The following POLRMT variants were observed in gnomAD, a reference collection of about 807,000 sequenced individuals.
POLRMT encodes the protein DNA-directed RNA polymerase, mitochondrial.
Under a neutral mutation model 132.2 loss-of-function variants are expected in POLRMT, and 114 were observed. The ratio of observed to expected loss-of-function variants is 0.86; its 90% CI spans 0.74 to 1.01. The LOEUF is 1.01. POLRMT is among the 50% of genes least tolerant of loss of function. POLRMT has a pLI of 0.00. For synonymous variants in POLRMT, 1,020 were observed against 773.4 expected (o/e 1.32, Z -5.29); for missense variants, 2,003 against 1,729.1 (o/e 1.16, Z -2.81).
Position 624,498 on chromosome 19 carries a change from C to T in POLRMT, c.1140+221G>A, listed in dbSNP as rs990492917. Among the ~76,000 whole-genome samples the T allele has an allele frequency of 3.9e-5, 6 of 152,244 alleles. No individual in the cohort carries two copies. The East Asian group carries it at 5.8e-4, about 15-fold the overall frequency. The stretch of plus-strand genomic sequence containing the variant: ...CTCCTGTCACCCCACCCTCTCTCTG[C>T]GGCCCCCGACCACCTCGTCCCCCTG... On this transcript the variant is annotated intron_variant, in intron 5 of 20. Coordinates refer to ENST00000588649, the MANE Select transcript of POLRMT (RefSeq NM_005035.4).
Position 617,256 on chromosome 19 carries a change from G to C in POLRMT, c.*18C>G, listed in dbSNP as rs199810114. 1 of 1,612,388 alleles carries C rather than the reference G, an allele frequency of 6.2e-7. No homozygotes were observed. The highest frequency in any genetic ancestry group is 1.1e-5 in the South Asian group (1 of 91,014). On this transcript the variant is annotated 3_prime_UTR_variant, in exon 21 of 21. Transcript: ENST00000588649. ...GGCAAAAGAGCTTTATTTACACACT[G>C]ACAAGGCTCACGGGGTGTCAGCTGA...
In POLRMT at chr19:619,065, C is replaced by T; in HGVS notation, c.3199G>A (p.Val1067Met). 1 of 1,609,858 alleles carries T rather than the reference C, an allele frequency of 6.2e-7. No individual in the cohort carries two copies. The highest frequency in any genetic ancestry group is 8.5e-7 in the Non-Finnish European group (1 of 1,178,648). ...SARLISHMGS[V>M]VEWVTPLGVP... Reference sequence around the variant, plus strand: ...CCCAGGGGTGTGACCCACTCCACCACAGAGCCCATGTGGGAGATGAGGCGG... The same window carrying T: ...CCCAGGGGTGTGACCCACTCCACCATAGAGCCCATGTGGGAGATGAGGCGG... The change falls in exon 15 of 21, where the codon GTG (valine) becomes ATG (methionine). Residue 1067 changes from valine (V) to methionine (M), a missense_variant. Physicochemically the swap from Val to Met is conservative, Grantham distance 21 (BLOSUM62 1). Coordinates refer to ENST00000588649, the MANE Select transcript of POLRMT (RefSeq NM_005035.4).
In POLRMT at chr19:622,327, G is replaced by C. The variant is rs1277170332; in HGVS notation, c.1673C>G (p.Ala558Gly). Residue 558 changes from alanine (A) to glycine (G), a missense_variant, in exon 9 of 21, where the codon GCG (alanine) becomes GGG (glycine). By Grantham distance (60) the Ala-to-Gly change is moderately conservative. Transcript: ENST00000588649. ...GGGCTGCTCCCGCAGGGCCTCGGGC[G>C]CCCCCAGCTCCTCCCAGTACTGCCG... ...LPRQYWEELG[A>G]PEALREQPWP... is the part of the protein sequence containing the mutation. 3 of 1,561,502 alleles carry C rather than the reference G, an allele frequency of 1.9e-6. No homozygotes were observed. In the African/African-American group the frequency reaches 4.1e-5, roughly 21 times the overall value.
intron 3 of POLRMT, 69 bp downstream of exon 3, chr19:629,471 A>C: frequency 1.4e-6 from 2 of 1,382,902 alleles, no homozygotes; most frequent in Non-Finnish European, 1.9e-6. Flanking sequence ...AGAAAAGTCC[A>C]GTCTAAATGA....
At chr19:630,286 G>A (rs1985322808) in intron 2 of POLRMT, 118 bp from the exon 3 acceptor site, 9 of 1,233,368 alleles carry the variant, frequency 7.3e-6, no homozygotes, top group African/African-American at 3.0e-5. Flanking sequence ...GGGACCCAAG[G>A]CGTGAATTCC....
chr19:623,650 C>A, intron 5 of POLRMT, 47 bp from the exon 6 acceptor site: 1 of 1,598,642 alleles, frequency 6.3e-7, no homozygotes, highest in Non-Finnish European at 8.6e-7. Context: ...AGAGGGCGAC[C>A]TGCCCTCCCA....
chr19:623,715 T>C, intron 5 of POLRMT, 112 bp from the exon 6 acceptor site: 1 of 1,321,972 alleles, frequency 7.6e-7, no homozygotes, highest in South Asian at 1.3e-5. Context: ...AAGTTGCTGG[T>C]GGCTATCGCT....
intron 2 of POLRMT, among the ~76,000 whole-genome samples, chr19:631,127 C>T (rs140757133): frequency 1.3e-5 from 2 of 151,882 alleles, no homozygotes; most frequent in African/African-American, 4.8e-5. Flanking sequence ...CCATTGAACT[C>T]CAGCCTGGGC....
intron 2 of POLRMT, among the ~76,000 whole-genome samples, chr19:631,120 T>C (rs774154257): frequency 4.0e-5 from 6 of 151,702 alleles, no homozygotes; most frequent in Non-Finnish European, 8.8e-5. Context: ...GATAGCGCCA[T>C]TGAACTCCAG....
intron 5 of POLRMT, among the ~76,000 whole-genome samples, 180 bp from the exon 6 acceptor site, chr19:623,783 C>T (rs1313861567): frequency 6.6e-6 from 1 of 152,206 alleles, no homozygotes; most frequent in East Asian, 1.9e-4. Context: ...AACCAAAGGC[C>T]TTGACCCTCC....
Position 620,360 on chromosome 19 carries a change from C to T in POLRMT, c.2763+5G>A. ...GGCCTCGGGGGCCAGACCCAGCTGG[C>T]TCACCTGATGGACGGGGAGGTGGGA... On this transcript the variant is annotated splice_donor_5th_base_variant and intron_variant, in intron 11 of 20. Coordinates refer to ENST00000588649, the MANE Select transcript of POLRMT (RefSeq NM_005035.4). The T allele has an allele frequency of 6.4e-7, 1 of 1,570,092 alleles. No homozygotes were observed. The highest frequency in any genetic ancestry group is 8.6e-7 in the Non-Finnish European group (1 of 1,158,404).
In POLRMT at chr19:623,750, G is replaced by A. The variant is rs1476097818; in HGVS notation, c.1141-147C>T. On this transcript the variant is annotated intron_variant, in intron 5 of 20. Coordinates refer to ENST00000588649, the MANE Select transcript of POLRMT (RefSeq NM_005035.4). ...TGACGCGGGGAAAGGCGGGCTGCGG[G>A]TAAAGTCAGTGCCAGCAGTGCAAAC... 17 of 1,007,052 alleles carry A rather than the reference G, an allele frequency of 1.7e-5. No homozygotes were observed. In the Admixed American group the frequency reaches 4.0e-4, roughly 23 times the overall value. 62.4% of individuals were successfully genotyped at this position (1,007,052 alleles called of 1,614,324 possible). A position where few individuals can be genotyped will look rare whatever the true frequency, so the allele number is the denominator to read the frequency against.
In POLRMT at chr19:621,107, G is replaced by A. The variant is rs775039991; in HGVS notation, c.2591C>T (p.Ala864Val). 33 of 1,610,370 alleles carry A rather than the reference G, an allele frequency of 2.0e-5. No individual in the cohort carries two copies. Among genetic ancestry groups the A allele is most frequent in the Admixed American group, 3.3e-5 (2 of 59,912 alleles). ...CAGGATGTCATCCATCACCTCCTCC[G>A]CAAAGGCCAGGCGCTTCCGCAGCGG... ...REPLRKRLAF[A>V]EEVMDDILDS... The change falls in exon 10 of 21, where the codon GCG (alanine) becomes GTG (valine). Residue 864 changes from alanine (A) to valine (V), a missense_variant. Coordinates refer to ENST00000588649, the MANE Select transcript of POLRMT (RefSeq NM_005035.4).
rs1007309879 is a variant in POLRMT at position 619,036 on chromosome 19, G to A, written c.3228C>T (p.Val1076=). ...CCAGGCGATAGGGCTGGATGACGGG[G>A]ACGCCCAGGGGTGTGACCCACTCCA... ...SVVEWVTPLG[V]PVIQPYRLDS... Residue 1076 remains valine (V), a synonymous_variant, in exon 15 of 21, where the codon GTC becomes GTT. Coordinates refer to ENST00000588649, the MANE Select transcript of POLRMT (RefSeq NM_005035.4). 6.2e-7 allele frequency: 1 copy of A among 1,600,726 alleles called. No homozygotes were observed. Among genetic ancestry groups the A allele is most frequent in the East Asian group, 2.2e-5 (1 of 44,688 alleles).
In POLRMT at chr19:622,167, G is replaced by A. The variant is rs142327145; in HGVS notation, c.1833C>T (p.Ser611=). The A allele has an allele frequency of 8.3e-4, 1,299 of 1,563,908 alleles. 13 individuals carry two copies. In the South Asian group the frequency reaches 0.012, roughly 14 times the overall value. ...CTGGCACCTGCTGGACGTTGCGGAA[G>A]GAATACACGTGGTAGAGCACGGGGA... The part of the protein sequence containing the change: ...RLVPVLYHVY[S]FRNVQQIGIL... The change falls in exon 9 of 21, where the codon TCC becomes TCT. Residue 611 remains serine, a synonymous_variant. Transcript: ENST00000588649.
Position 617,602 on chromosome 19 carries a change from C to G in POLRMT, c.3549G>C (p.Leu1183=), listed in dbSNP as rs1448910117. 6.2e-7 allele frequency: 1 copy of G among 1,612,246 alleles called. No homozygotes were observed. Among genetic ancestry groups the G allele is most frequent in the African/African-American group, 1.3e-5 (1 of 74,886 alleles). ...AGAACCGCTTGACCAGGAATCTGGACAGGTCCTGCAGGATGGGCTCGCTGT... is the reference window on the plus strand; with the variant it reads ...AGAACCGCTTGACCAGGAATCTGGAGAGGTCCTGCAGGATGGGCTCGCTGT... ...RLHSEPILQD[L]SRFLVKRFCS... The change falls in exon 19 of 21, where the codon CTG becomes CTC. Residue 1183 remains leucine, a synonymous_variant. Coordinates refer to ENST00000588649, the MANE Select transcript of POLRMT (RefSeq NM_005035.4).
rs534871759 is a variant in POLRMT, at chr19:631,397, T to C, written c.194-1229A>G. Among the ~76,000 whole-genome samples, 5 of 151,110 alleles carry C rather than the reference T, an allele frequency of 3.3e-5. No homozygotes were observed. In the South Asian group the frequency reaches 6.3e-4, roughly 19 times the overall value. On this transcript the variant is annotated intron_variant, in intron 2 of 20. Coordinates refer to ENST00000588649, the MANE Select transcript of POLRMT (RefSeq NM_005035.4). ...GCTCACGCCTGTAATCCCAGCACTT[T>C]AGGAGGCCGAGGCAGGCGGATCACG...
chr19:619,524 C>G, intron 13 of POLRMT, 62 bp downstream of exon 13: 1 of 1,592,262 alleles, frequency 6.3e-7, no homozygotes. Context: ...CGGGGGCACA[C>G]CCGTCTGAGT....
intron 10 of POLRMT, among the ~76,000 whole-genome samples, chr19:620,834 G>T (rs1419857764): frequency 8.8e-6 from 1 of 113,298 alleles, no homozygotes; most frequent in Non-Finnish European, 1.9e-5. Context: ...GGAGAAGGGA[G>T]AAGCAGGACG....
Sources: gnomAD v4.1 joint callset for allele counts (sites outside exome capture counted in the v4.1 genomes callset) on GRCh38, gnomAD v4.1.1 for gene constraint, MANE v1.5 for transcripts, NCBI Gene and HGNC (gene_info 2026-07-23, HGNC 2026-07-21) for gene names.